Variants in DMD observed in about 807,000 individuals in gnomAD.
DMD encodes the protein dystrophin.
Under a neutral mutation model 330.1 loss-of-function variants are expected in DMD, and 63 were observed. That is an observed-to-expected ratio of 0.19 (90% CI 0.16 to 0.24). The LOEUF (loss-of-function observed/expected upper bound fraction) is 0.24, where lower values mean the gene tolerates loss of function less well. Ranked by LOEUF, DMD falls within the 10% of genes least tolerant of loss-of-function variation. The pLI, the probability that DMD is intolerant of heterozygous loss-of-function variation, is 1.00. For synonymous variants in DMD, 1,223 were observed against 959.8 expected (o/e 1.27, Z -5.07); for missense variants, 3,344 against 2,684.1 (o/e 1.25, Z -5.43).
At chrX:32,902,075 C>T (rs1432474725) in intron 2 of DMD, among the ~76,000 whole-genome samples, 2 of 107,722 alleles carry the variant, frequency 1.9e-5, no homozygotes, top group African/African-American at 6.9e-5. Flanking sequence ...TAATACATAT[C>T]ATACGAATGT....
At chrX:33,062,949 G>A (rs190719676) in intron 1 of DMD, among the ~76,000 whole-genome samples, 2 of 111,901 alleles carry the variant, frequency 1.8e-5, no homozygotes, top group African/African-American at 6.5e-5. Context: ...CACCATCTGT[G>A]CCACACAGAC....
At chrX:33,238,658 C>T (rs1285037750) in intron 1 of DMD, among the ~76,000 whole-genome samples, 1 of 111,581 alleles carries the variant, frequency 9.0e-6, no homozygotes, top group African/African-American at 3.3e-5. Flanking sequence ...GAATTATTCA[C>T]ATTTTGCAGA....
chrX:32,940,289 C>G (rs2090316746), intron 2 of DMD, among the ~76,000 whole-genome samples: 1 of 111,990 alleles, frequency 8.9e-6, no homozygotes, highest in African/African-American at 3.2e-5. Flanking sequence ...ACCACAGACA[C>G]AAAATAACTA....
Position 32,855,126 on chromosome X carries a change from T to A in DMD, c.94-5306A>T, listed in dbSNP as rs751042533. ...AAAAGCATTTGATAAAAATTCAACA[T>A]GCCTTCATGATAAAAACTCTCAAAA... On this transcript the variant is annotated intron_variant, in intron 2 of 78. Coordinates refer to ENST00000357033, the MANE Select transcript of DMD (RefSeq NM_004006.3). 7.2e-5 allele frequency among the ~76,000 whole-genome samples: 8 copies of A among 111,835 alleles called. No individual in the cohort carries two copies. The South Asian group carries it at 3.0e-3, about 42-fold the overall frequency.
intron 1 of DMD, among the ~76,000 whole-genome samples, chrX:33,044,073 T>A (rs2094343813): frequency 9.0e-6 from 1 of 111,341 alleles, no homozygotes; most frequent in East Asian, 2.9e-4. Flanking sequence ...TGGAACACTT[T>A]CATGGGCGTT....
At chrX:33,087,124 A>G (rs946064950) in intron 1 of DMD, among the ~76,000 whole-genome samples, 1 of 111,876 alleles carries the variant, frequency 8.9e-6, no homozygotes, top group Non-Finnish European at 1.9e-5. Context: ...CTTGTCAGTC[A>G]GGAAAGCTCA....
chrX:32,812,511 T>TA lies in DMD; in HGVS notation c.531-2901dup, dbSNP rs200291101. On this transcript the variant is annotated intron_variant, in intron 6 of 78. Coordinates refer to ENST00000357033, the MANE Select transcript of DMD (RefSeq NM_004006.3). ...AGCAGGGCATGGTGGCTCGTGCCTA[T>TA]AGTCCCAGCTACTCAGGAGGCTGAG... Among the ~76,000 whole-genome samples, 158 of 111,602 alleles carry TA rather than the reference T, an allele frequency of 1.4e-3. 1 individual carries two copies. The East Asian group carries it at 0.038, about 27-fold the overall frequency.
Position 32,257,188 on chromosome X carries a change from C to T in DMD, c.6290+30341G>A, listed in dbSNP as rs548839880. ...AAAGGACGCAAACAAATGGAAAAAA[C>T]ATTTCATGCTCGTGGTTAGGAAGAA... On this transcript the variant is annotated intron_variant, in intron 43 of 78. Transcript: ENST00000357033. Among the ~76,000 whole-genome samples the T allele has an allele frequency of 3.6e-5, 4 of 112,112 alleles. 1 individual carries two copies. Among genetic ancestry groups the T allele is most frequent in the Non-Finnish European group, 5.6e-5 (3 of 53,202 alleles).
At chrX:33,138,852 C>T (rs777986147) in intron 1 of DMD, among the ~76,000 whole-genome samples, 1 of 111,122 alleles carries the variant, frequency 9.0e-6, no homozygotes, top group Non-Finnish European at 1.9e-5. Flanking sequence ...TTTGATGTTT[C>T]GCATATCTGA....
intron 2 of DMD, among the ~76,000 whole-genome samples, chrX:32,878,158 G>C (rs1307111189): frequency 9.0e-6 from 1 of 111,625 alleles, no homozygotes; most frequent in Non-Finnish European, 1.9e-5. Flanking sequence ...GGCGGATCAC[G>C]AGGTCAGGAG....
At chrX:32,736,249 T>G (rs1020345324) in intron 7 of DMD, among the ~76,000 whole-genome samples, 59 of 111,184 alleles carry the variant, frequency 5.3e-4, no homozygotes, top group African/African-American at 1.7e-3. Flanking sequence ...TGGCGATCAT[T>G]AAAAAGTCAG....
chrX:31,942,981 C>A lies in DMD; in HGVS notation c.6615-10754G>T, dbSNP rs371107161. On this transcript the variant is annotated intron_variant, in intron 45 of 78. Coordinates refer to ENST00000357033, the MANE Select transcript of DMD (RefSeq NM_004006.3). ...CTGTATAAAATTAACGAAATTCAAC[C>A]AGGGAAAGCTATACAGCAAGTGTTT... is the stretch of plus-strand genomic sequence containing the variant. 2.7e-5 allele frequency among the ~76,000 whole-genome samples: 3 copies of A among 111,992 alleles called. No homozygotes were observed. The East Asian group carries it at 8.5e-4, about 32-fold the overall frequency.
intron 2 of DMD, among the ~76,000 whole-genome samples, chrX:32,897,209 C>A (rs925354376): frequency 1.8e-5 from 2 of 111,097 alleles, no homozygotes; most frequent in Non-Finnish European, 3.8e-5. Flanking sequence ...AGATAAATTT[C>A]TTAATTCATT....
At chrX:33,116,470 T>C (rs771263698) in intron 1 of DMD, among the ~76,000 whole-genome samples, 10 of 110,876 alleles carry the variant, frequency 9.0e-5, no homozygotes, top group South Asian at 7.7e-4. Context: ...GATCGACCAC[T>C]GCACTCCATC....
At chrX:32,680,606 G>A (rs919915692) in intron 9 of DMD, among the ~76,000 whole-genome samples, 13 of 111,946 alleles carry the variant, frequency 1.2e-4, no homozygotes, top group African/African-American at 3.6e-4. Context: ...CTCAAATTAT[G>A]AATGCCCAAT....
intron 7 of DMD, among the ~76,000 whole-genome samples, chrX:32,758,498 G>A (rs1569511556): frequency 9.0e-6 from 1 of 111,430 alleles, no homozygotes; most frequent in South Asian, 3.8e-4. Flanking sequence ...CAGTAGTCAT[G>A]TTTTATTCCA....
intron 51 of DMD, among the ~76,000 whole-genome samples, chrX:31,737,086 C>T (rs1325804184): frequency 9.0e-6 from 1 of 111,392 alleles, no homozygotes; most frequent in Non-Finnish European, 1.9e-5. Flanking sequence ...TAATATTGCC[C>T]CTATTTTACT....
Position 32,685,288 on chromosome X carries a change from C to A in DMD, c.960+12582G>T, listed in dbSNP as rs146689993. Among the ~76,000 whole-genome samples, 513 of 111,444 alleles carry A rather than the reference C, an allele frequency of 4.6e-3. 6 individuals carry two copies. Among genetic ancestry groups the A allele is most frequent in the African/African-American group, 0.016 (483 of 30,805 alleles). On this transcript the variant is annotated intron_variant, in intron 9 of 78. Transcript: ENST00000357033. ...TCTTATTTCTCATTCCATTAATGATCTAAATTTCTTCTTGAAATGACTTTT... is the reference window on the plus strand; with the variant it reads ...TCTTATTTCTCATTCCATTAATGATATAAATTTCTTCTTGAAATGACTTTT...
chrX:32,967,726 C>A (rs1602288082), intron 2 of DMD, among the ~76,000 whole-genome samples: 1 of 111,444 alleles, frequency 9.0e-6, no homozygotes. Flanking sequence ...GCTGTTCTTG[C>A]TTTTTTGTAC....
Sources: allele counts gnomAD v4.1 joint callset (sites outside exome capture counted in the v4.1 genomes callset), GRCh38; gene constraint gnomAD v4.1.1; transcripts MANE v1.5; gene names NCBI Gene and HGNC (gene_info 2026-07-23, HGNC 2026-07-21).